The following CORO1A variants were observed in gnomAD, a reference collection of about 807,000 sequenced individuals.
CORO1A encodes coronin-1A.
In CORO1A, 17 loss-of-function variants were observed where a neutral mutation model predicts 44.1. The observed-to-expected ratio is 0.39, with a 90% CI of 0.26 to 0.58. The LOEUF (loss-of-function observed/expected upper bound fraction) is 0.58, where lower values mean the gene tolerates loss of function less well. Ranked by LOEUF, CORO1A falls within the 20% of genes least tolerant of loss-of-function variation. CORO1A has a pLI of 0.62. For missense variants in CORO1A, 415 were observed against 606.5 expected (o/e 0.68, Z 3.32); for synonymous variants, 271 against 244.2 (o/e 1.11, Z -1.02).
rs748628396 is a variant in CORO1A at position 30,186,736 on chromosome 16, G to A, written c.321+16G>A. The A allele has an allele frequency of 1.9e-6, 3 of 1,610,848 alleles. No individual in the cohort carries two copies. The highest frequency in any genetic ancestry group is 2.5e-6 in the Non-Finnish European group (3 of 1,179,826). On this transcript the variant is annotated intron_variant, in intron 3 of 10. Transcript: ENST00000219150. ...CACAGTCATGGTGAGTGGTGGTGGG[G>A]ACCCAGGGGCTGGGAGAGGGGCTCT...
intron 7 of CORO1A, 26 bp downstream of exon 7, chr16:30,187,855 T>TCC: frequency 9.0e-6 from 1 of 110,906 alleles, no homozygotes; most frequent in Non-Finnish European, 1.5e-5. Flanking sequence ...GGGGTGGGGG[T>TCC]GGGAGGTGGG....
chr16:30,187,858 G>A, intron 7 of CORO1A, 29 bp downstream of exon 7: 1 of 755,618 alleles, frequency 1.3e-6, no homozygotes, highest in Non-Finnish European at 2.2e-6. Context: ...GTGGGGGTGG[G>A]AGGTGGGCAG....
chr16:30,186,321 G>T (rs1025609248), intron 2 of CORO1A: 6 of 475,032 alleles, frequency 1.3e-5, no homozygotes, highest in African/African-American at 1.2e-4. Flanking sequence ...AACCCTAAGG[G>T]CAGAGACAGA....
intron 8 of CORO1A, 51 bp from the exon 9 acceptor site, chr16:30,188,141 C>A (rs775862391): frequency 2.5e-6 from 4 of 1,613,414 alleles, no homozygotes; most frequent in Middle Eastern, 1.6e-4. Flanking sequence ...TGGGCAGTCC[C>A]AAGCCCACCC....
In CORO1A at chr16:30,188,441, T is replaced by G. The variant is rs201734831; in HGVS notation, c.1146T>G (p.Gly382=). 1 of 1,612,516 alleles carries G rather than the reference T, an allele frequency of 6.2e-7. No individual in the cohort carries two copies. The change falls in exon 10 of 11, where the codon GGT becomes GGG. Residue 382 remains glycine, a synonymous_variant. Coordinates refer to ENST00000219150, the MANE Select transcript of CORO1A (RefSeq NM_007074.4). ...PALTAEEWLG[G]RDAGPLLISL... Reference sequence around the variant, plus strand: ...TCACGGCTGAGGAGTGGCTGGGGGGTCGGGATGCTGGGCCCCTCCTCATCT... The same window carrying G: ...TCACGGCTGAGGAGTGGCTGGGGGGGCGGGATGCTGGGCCCCTCCTCATCT...
In CORO1A at chr16:30,186,996, G is replaced by A. The variant is rs772655832; in HGVS notation, c.452-43G>A. ...GTGGCTCGTGGCCTGCAGTGGATGA[G>A]GGCAGGAGGCTCATGGCTTCTGACA... On this transcript the variant is annotated intron_variant, in intron 4 of 10. Transcript: ENST00000219150. 14 of 1,613,342 alleles carry A rather than the reference G, an allele frequency of 8.7e-6. 1 individual carries two copies. The South Asian group carries it at 1.2e-4, about 14-fold the overall frequency.
Position 30,184,473 on chromosome 16 carries a change from C to T in CORO1A, c.-1-736C>T. Reference sequence around the variant, plus strand: ...AGGTCGCCCCTGGAGTTCCTTGCTCCCCACCCAGACACTGGGGGAAACCAT... The same window carrying T: ...AGGTCGCCCCTGGAGTTCCTTGCTCTCCACCCAGACACTGGGGGAAACCAT... On this transcript the variant is annotated intron_variant, in intron 1 of 10. Coordinates refer to ENST00000219150, the MANE Select transcript of CORO1A (RefSeq NM_007074.4). This position sits in a 1 kb window ranked among gnomAD's most constrained non-coding sequence, Gnocchi z 4.3. The T allele has an allele frequency of 6.5e-6, 1 of 153,604 alleles. No individual in the cohort carries two copies. Among genetic ancestry groups the T allele is most frequent in the South Asian group, 2.0e-4 (1 of 5,112 alleles). The allele number at this position is 153,604 out of a possible 1,614,324, so 9.5% of individuals were successfully genotyped here.
Position 30,186,630 on chromosome 16 carries a change from C to A in CORO1A, c.231C>A (p.Val77=). ...GTGTGGACAAGAATGCGCCCACGGT[C>A]TGTGGCCACACAGCCCCTGTGCTAG... ...TGRVDKNAPT[V]CGHTAPVLDI... Residue 77 remains valine, a synonymous_variant, in exon 3 of 11, where the codon GTC becomes GTA. Transcript: ENST00000219150. The A allele has an allele frequency of 6.2e-7, 1 of 1,612,824 alleles. No homozygotes were observed. Among genetic ancestry groups the A allele is most frequent in the South Asian group, 1.1e-5 (1 of 91,014 alleles).
At position 30,188,484 on chromosome 16, in the gene CORO1A, G is replaced by C. The variant is rs35967690; in HGVS notation, c.1189G>C (p.Val397Leu). Residue 397 changes from valine (V) to leucine (L), a missense_variant, in exon 10 of 11, where the codon GTA (valine) becomes CTA (leucine). Coordinates refer to ENST00000219150, the MANE Select transcript of CORO1A (RefSeq NM_007074.4). Reference sequence around the variant, plus strand: ...CCTCATCTCCCTCAAGGATGGCTACGTACCCCCAAAGAGCCGGGAGCTGAG... The same window carrying C: ...CCTCATCTCCCTCAAGGATGGCTACCTACCCCCAAAGAGCCGGGAGCTGAG... Reference protein sequence around the residue: ...PLLISLKDGYVPPKSRELRVN... With the variant: ...PLLISLKDGYLPPKSRELRVN... The C allele has an allele frequency of 3.7e-6, 6 of 1,613,226 alleles. No individual in the cohort carries two copies. The South Asian group carries it at 4.4e-5, about 12-fold the overall frequency.
chr16:30,186,251 G>A (rs2073332387), intron 2 of CORO1A: 2 of 373,958 alleles, frequency 5.3e-6, no homozygotes, highest in Non-Finnish European at 1.0e-5. Context: ...CACCTGTCCT[G>A]GCTCCAGGGC....
At position 30,187,721 on chromosome 16, in the gene CORO1A, A is replaced by ACCTC; in HGVS notation, c.757-3_757-2insCTCC. 1 of 1,606,776 alleles carries ACCTC rather than the reference A, an allele frequency of 6.2e-7. No homozygotes were observed. Among genetic ancestry groups the ACCTC allele is most frequent in the Non-Finnish European group, 8.5e-7 (1 of 1,174,466 alleles). On this transcript the variant is annotated splice_region_variant and splice_polypyrimidine_tract_variant and intron_variant, in intron 6 of 10. Transcript: ENST00000219150. ...GGGATGTTACCTCTCACCTGTGTCTACAGAAGCACCTGGAGGAGCCGCTGT... is the reference window on the plus strand; with the variant it reads ...GGGATGTTACCTCTCACCTGTGTCTACCTCCAGAAGCACCTGGAGGAGCCGCTGT...
In CORO1A at chr16:30,187,962, C is replaced by T. The variant is rs2073362770; in HGVS notation, c.882C>T (p.Tyr294=). 1.2e-6 allele frequency: 2 copies of T among 1,614,104 alleles called. No individual in the cohort carries two copies. ...LCGKGDSSIR[Y]FEITSEAPFL... ...TACAGGGTGACAGCTCAATCCGGTA[C>T]TTTGAGATCACTTCCGAGGCCCCTT... The change falls in exon 8 of 11, where the codon TAC becomes TAT. Residue 294 remains tyrosine (Y), a synonymous_variant. Transcript: ENST00000219150.
At chr16:30,185,686 G>T in intron 2 of CORO1A, 1 of 516,882 alleles carries the variant, frequency 1.9e-6, no homozygotes, top group Non-Finnish European at 3.5e-6. Context: ...GCCTCAGCCT[G>T]GGGCTTTCTC....
At position 30,185,396 on chromosome 16, in the gene CORO1A, C is replaced by G; in HGVS notation, c.187C>G (p.Pro63Ala). ...ASGGGAFLVL[P>A]LGKTGRVDKN... ...CGGGGGAGGGGCCTTCCTGGTGCTGCCCCTGGGCAAGGTGAGCCCCTGGGG... is the reference window on the plus strand; with the variant it reads ...CGGGGGAGGGGCCTTCCTGGTGCTGGCCCTGGGCAAGGTGAGCCCCTGGGG... Residue 63 changes from proline (P) to alanine (A), a missense_variant, in exon 2 of 11, where the codon CCC (proline) becomes GCC (alanine). Pro to Ala is a conservative substitution (Grantham distance 27). Coordinates refer to ENST00000219150, the MANE Select transcript of CORO1A (RefSeq NM_007074.4). 2 of 1,613,472 alleles carry G rather than the reference C, an allele frequency of 1.2e-6. No homozygotes were observed. Among genetic ancestry groups the G allele is most frequent in the Non-Finnish European group, 1.7e-6 (2 of 1,179,962 alleles).
At position 30,188,258 on chromosome 16, in the gene CORO1A, C is replaced by A; in HGVS notation, c.1065+9C>A. ...TGACAGTGCCTCGAAAGGTGATGCT[C>A]CCCCGCCCCACCCTGGGCTCCAGGC... On this transcript the variant is annotated intron_variant, in intron 9 of 10. Coordinates refer to ENST00000219150, the MANE Select transcript of CORO1A (RefSeq NM_007074.4). The A allele has an allele frequency of 1.2e-6, 2 of 1,613,568 alleles. No homozygotes were observed. The highest frequency in any genetic ancestry group is 1.1e-5 in the South Asian group (1 of 91,072).
In CORO1A at chr16:30,186,802, C is replaced by A. The variant is rs2073339822; in HGVS notation, c.322-14C>A. The A allele has an allele frequency of 6.2e-7, 1 of 1,609,832 alleles. No individual in the cohort carries two copies. Among genetic ancestry groups the A allele is most frequent in the East Asian group, 2.2e-5 (1 of 44,876 alleles). ...ATTTGGAGTCCTGAAGACTCACTGG[C>A]CCCTCCTCTGCAGGTGTGGGAGATC... On this transcript the variant is annotated splice_polypyrimidine_tract_variant and intron_variant, in intron 3 of 10. Coordinates refer to ENST00000219150, the MANE Select transcript of CORO1A (RefSeq NM_007074.4).
chr16:30,186,733 G>A lies in CORO1A; in HGVS notation c.321+13G>A. On this transcript the variant is annotated intron_variant, in intron 3 of 10. Coordinates refer to ENST00000219150, the MANE Select transcript of CORO1A (RefSeq NM_007074.4). ...CTGCACAGTCATGGTGAGTGGTGGT[G>A]GGGACCCAGGGGCTGGGAGAGGGGC... The A allele has an allele frequency of 6.2e-7, 1 of 1,610,920 alleles. No homozygotes were observed. Among genetic ancestry groups the A allele is most frequent in the Non-Finnish European group, 8.5e-7 (1 of 1,179,794 alleles).
At position 30,187,384 on chromosome 16, in the gene CORO1A, G is replaced by T; in HGVS notation, c.639G>T (p.Glu213Asp). ...IEPRKGTVVAEKDRPHEGTRP... is the reference protein window; with the variant it reads ...IEPRKGTVVADKDRPHEGTRP... ...CTACCACCTCCCTTTCCTTGCAGGA[G>T]AAGGACCGTCCCCACGAGGGGACCC... is the stretch of plus-strand genomic sequence containing the variant. Residue 213 changes from glutamate (E) to aspartate (D), a missense_variant and splice_region_variant, in exon 6 of 11, where the codon GAG becomes GAT. Glu to Asp is a conservative substitution (Grantham distance 45). This residue lies in a region of CORO1A where 325 missense variants were observed against 521.7 expected (regional missense o/e 0.62). Transcript: ENST00000219150. 6.2e-7 allele frequency: 1 copy of T among 1,610,686 alleles called. No individual in the cohort carries two copies. The highest frequency in any genetic ancestry group is 1.1e-5 in the South Asian group (1 of 91,088).
intron 1 of CORO1A, 160 bp from the exon 2 acceptor site, chr16:30,185,049 G>C: frequency 1.4e-6 from 1 of 734,134 alleles, no homozygotes; most frequent in Non-Finnish European, 2.4e-6. Context: ...GGCTGGGGAA[G>C]GCAAGCAGGC....
Sources: gnomAD v4.1 joint callset for allele counts on GRCh38, gnomAD v4.1.1 for gene constraint, gnomAD v4.1.1 regional missense constraint, Gnocchi (gnomAD v3.1) non-coding constraint, MANE v1.5 for transcripts, NCBI Gene and HGNC (gene_info 2026-07-23, HGNC 2026-07-21) for gene names.